The following RNF152 variants were observed in gnomAD, a reference collection of about 807,000 sequenced individuals.
RNF152 encodes the protein E3 ubiquitin-protein ligase RNF152.
RNF152 carries 11 observed loss-of-function variants against 12.7 expected under a neutral mutation model. The ratio of observed to expected loss-of-function variants is 0.86; its 90% CI spans 0.54 to 1.43. RNF152 has a LOEUF of 1.43. Ranked by LOEUF, RNF152 falls within the 40% of genes most tolerant of loss-of-function variation. RNF152 has a pLI of 0.00. For synonymous variants in RNF152, 113 were observed against 120.3 expected (o/e 0.94, Z 0.40); for missense variants, 255 against 274.8 (o/e 0.93, Z 0.51).
At chr18:61,848,750 C>T (rs909153225) in intron 1 of RNF152, among the ~76,000 whole-genome samples, 4 of 152,160 alleles carry the variant, frequency 2.6e-5, no homozygotes, top group East Asian at 1.9e-4. Context: ...GAGGCCTGCC[C>T]GGCAGGAGCT....
At chr18:61,863,029 A>G (rs1393393691) in intron 1 of RNF152, among the ~76,000 whole-genome samples, 2 of 152,248 alleles carry the variant, frequency 1.3e-5, no homozygotes, top group Admixed American at 6.5e-5. Context: ...CCCTACACAC[A>G]GCCCAAAATA....
chr18:61,891,491 T>G (rs1400946518), intron 1 of RNF152, among the ~76,000 whole-genome samples: 1 of 152,176 alleles, frequency 6.6e-6, no homozygotes, highest in East Asian at 1.9e-4. Flanking sequence ...TATTATCCCA[T>G]CACATGTTTT....
At chr18:61,819,557 A>G (rs534329402) in intron 1 of RNF152, among the ~76,000 whole-genome samples, 1 of 152,272 alleles carries the variant, frequency 6.6e-6, no homozygotes, top group Admixed American at 6.5e-5. Flanking sequence ...CTTGCAGGGT[A>G]TTGCAATGAG....
rs1316316500 is a variant in RNF152, at chr18:61,813,276, T to TCACACA, written c.*2575_*2576insTGTGTG. 5 of 92,684 alleles carry TCACACA rather than the reference T, an allele frequency of 5.4e-5. No individual in the cohort carries two copies. Among genetic ancestry groups the TCACACA allele is most frequent in the African/African-American group, 1.7e-4 (4 of 24,116 alleles). The allele number at this position is 92,684 out of a possible 1,614,324, so 5.7% of individuals were successfully genotyped here. On this transcript the variant is annotated 3_prime_UTR_variant, in exon 2 of 2. Transcript: ENST00000312828. Reference sequence around the variant, plus strand: ...CTGAGATTCTCTCTCTCTCTCTCTCTCTCACACACACACACACACACACAC... The same window carrying TCACACA: ...CTGAGATTCTCTCTCTCTCTCTCTCTCACACACTCACACACACACACACACACACAC...
At position 61,815,770 on chromosome 18, in the gene RNF152, C is replaced by CTT. The variant is rs1184869348; in HGVS notation, c.*81_*82insAA. The CTT allele has an allele frequency of 3.4e-6, 5 of 1,489,542 alleles. No homozygotes were observed. Among genetic ancestry groups the CTT allele is most frequent in the Non-Finnish European group, 4.6e-6 (5 of 1,085,248 alleles). 92.3% of individuals were successfully genotyped at this position (1,489,542 alleles called of 1,614,324 possible). On this transcript the variant is annotated 3_prime_UTR_variant, in exon 2 of 2. Coordinates refer to ENST00000312828, the MANE Select transcript of RNF152 (RefSeq NM_173557.3). ...TCAGCACCAAATGGTCAGTGTTGCCCCCCATCTTCTCACTGGGATCTCATC... is the reference window on the plus strand; with the variant it reads ...TCAGCACCAAATGGTCAGTGTTGCCCTTCCCATCTTCTCACTGGGATCTCATC...
intron 1 of RNF152, among the ~76,000 whole-genome samples, chr18:61,864,044 AC>A (rs1019026059): frequency 6.6e-6 from 1 of 152,156 alleles, no homozygotes; most frequent in African/African-American, 2.4e-5. Flanking sequence ...ATCTGTTTCT[AC>A]CCATAGAACA....
chr18:61,863,505 A>G (rs899405577), intron 1 of RNF152, among the ~76,000 whole-genome samples: 8 of 152,084 alleles, frequency 5.3e-5, no homozygotes, highest in African/African-American at 1.9e-4. Context: ...TGTAGACACA[A>G]TCTGTAGATT....
At chr18:61,863,488 A>G (rs1911584501) in intron 1 of RNF152, among the ~76,000 whole-genome samples, 1 of 152,060 alleles carries the variant, frequency 6.6e-6, no homozygotes, top group Non-Finnish European at 1.5e-5. Flanking sequence ...TGTTCAGGTA[A>G]CATCACTGTA....
intron 1 of RNF152, among the ~76,000 whole-genome samples, chr18:61,833,659 G>A (rs953347966): frequency 1.3e-5 from 2 of 152,124 alleles, no homozygotes; most frequent in Non-Finnish European, 2.9e-5. Context: ...TTAGCTGATG[G>A]GAAACATTAC....
intron 1 of RNF152, among the ~76,000 whole-genome samples, chr18:61,886,586 C>T (rs1170084839): frequency 2.0e-5 from 3 of 152,230 alleles, no homozygotes; most frequent in East Asian, 1.9e-4. Context: ...CCACAGGCCC[C>T]CTTGGAAGGA....
intron 1 of RNF152, among the ~76,000 whole-genome samples, chr18:61,884,213 G>T (rs1912590395): frequency 7.2e-6 from 1 of 138,966 alleles, no homozygotes; most frequent in African/African-American, 2.7e-5. Flanking sequence ...AATGAGGTCG[G>T]TTCTCCCCCA....
chr18:61,863,765 C>T (rs1568285336), intron 1 of RNF152, among the ~76,000 whole-genome samples: 1 of 152,114 alleles, frequency 6.6e-6, no homozygotes, highest in Non-Finnish European at 1.5e-5. Flanking sequence ...TGTCCGAGGA[C>T]ATCTGATGAC....
intron 1 of RNF152, among the ~76,000 whole-genome samples, chr18:61,858,140 G>A (rs1911308919): frequency 6.6e-6 from 1 of 152,164 alleles, no homozygotes; most frequent in African/African-American, 2.4e-5. Context: ...ACTTAGTAGA[G>A]ACATTTAGGT....
rs1415452876 is a variant in RNF152 at position 61,808,987 on chromosome 18, T to C, written c.*6865A>G. On this transcript the variant is annotated 3_prime_UTR_variant, in exon 2 of 2. Transcript: ENST00000312828. ...ATGTCTTCAACTGAAGCATCCTGAA[T>C]TGAACTTGGTAGTCCGTACTGGAAT... The C allele has an allele frequency of 6.6e-6, 1 of 152,242 alleles. No homozygotes were observed. Among genetic ancestry groups the C allele is most frequent in the Non-Finnish European group, 1.5e-5 (1 of 68,090 alleles). The allele number at this position is 152,242 out of a possible 1,614,324, so 9.4% of individuals were successfully genotyped here.
chr18:61,881,956 G>T (rs534957874), intron 1 of RNF152, among the ~76,000 whole-genome samples: 24 of 152,278 alleles, frequency 1.6e-4, no homozygotes, highest in Admixed American at 4.6e-4. Flanking sequence ...AAGATGTAGG[G>T]TGTATGAACA....
In RNF152 at chr18:61,846,010, C is replaced by T. The variant is rs1050157325; in HGVS notation, c.-135-29412G>A. ...CCAAGGGAGCTCACTTATCTCGTTC[C>T]ACCATGTGAGGACACAGCAGATGCC... is the stretch of plus-strand genomic sequence containing the variant. On this transcript the variant is annotated intron_variant, in intron 1 of 1. Transcript: ENST00000312828. 2.6e-5 allele frequency among the ~76,000 whole-genome samples: 4 copies of T among 152,108 alleles called. No individual in the cohort carries two copies. The East Asian group carries it at 7.7e-4, about 29-fold the overall frequency.
chr18:61,856,066 G>C (rs1162003066), intron 1 of RNF152, among the ~76,000 whole-genome samples: 2 of 152,124 alleles, frequency 1.3e-5, no homozygotes, highest in Non-Finnish European at 2.9e-5. Context: ...TGGGTGTCAG[G>C]GTTCTCATCT....
intron 1 of RNF152, among the ~76,000 whole-genome samples, chr18:61,830,734 T>C (rs1248686127): frequency 6.6e-6 from 1 of 151,452 alleles, no homozygotes; most frequent in Non-Finnish European, 1.5e-5. Flanking sequence ...GGCATGGAGA[T>C]TGGCTGGAAG....
At chr18:61,870,742 T>A (rs542880959) in intron 1 of RNF152, among the ~76,000 whole-genome samples, 1 of 152,258 alleles carries the variant, frequency 6.6e-6, no homozygotes, top group East Asian at 1.9e-4. Flanking sequence ...AGAAATGAAG[T>A]GAAACCCACA....
Sources: allele counts gnomAD v4.1 joint callset (sites outside exome capture counted in the v4.1 genomes callset), GRCh38; gene constraint gnomAD v4.1.1; transcripts MANE v1.5; gene names NCBI Gene and HGNC (gene_info 2026-07-23, HGNC 2026-07-21).